The following PRIM2 variants were observed in gnomAD, a reference collection of about 807,000 sequenced individuals.
The protein encoded by PRIM2 is DNA primase large subunit.
PRIM2 carries 39 observed loss-of-function variants against 67.3 expected under a neutral mutation model. The ratio of observed to expected loss-of-function variants is 0.58; its 90% CI spans 0.45 to 0.76. PRIM2 has a LOEUF of 0.76. PRIM2 is among the 30% of genes least tolerant of loss of function. PRIM2 has a pLI of 0.00. For synonymous variants in PRIM2, 143 were observed against 198.7 expected (o/e 0.72, Z 2.36); for missense variants, 398 against 598.7 (o/e 0.66, Z 3.50).
the PRIM2 span, among the ~76,000 whole-genome samples, chr6:57,309,247 G>C: frequency 0.049 from 7,337 of 148,590 alleles, 597 homozygotes; most frequent in African/African-American, 0.17. Flanking sequence ...CCACTAACTC[G>C]TCATCTAGCA....
rs569818116 is a variant in PRIM2, at chr6:57,369,847, A to T, written c.460-10054A>T. Reference sequence around the variant, plus strand: ...AGAAACTGCATTAGTTGCAGTAAACATTTCACTTTATTACTTGAGGAAAAA... The same window carrying T: ...AGAAACTGCATTAGTTGCAGTAAACTTTTCACTTTATTACTTGAGGAAAAA... On this transcript the variant is annotated intron_variant, in intron 5 of 13. Coordinates refer to ENST00000615550, the MANE Select transcript of PRIM2 (RefSeq NM_000947.5). Among the ~76,000 whole-genome samples, 5 of 152,350 alleles carry T rather than the reference A, an allele frequency of 3.3e-5. No individual in the cohort carries two copies. The East Asian group carries it at 9.6e-4, about 29-fold the overall frequency.
At chr6:57,585,671 AG>A (rs1402571007) in intron 10 of PRIM2, among the ~76,000 whole-genome samples, 1 of 152,148 alleles carries the variant, frequency 6.6e-6, no homozygotes, top group Non-Finnish European at 1.5e-5. Context: ...TAGTGAGGGT[AG>A]GGGGTTCTCT....
chr6:57,300,705 G>A, the PRIM2 span, among the ~76,000 whole-genome samples: 1 of 152,076 alleles, frequency 6.6e-6, no homozygotes, highest in Admixed American at 6.5e-5. Flanking sequence ...CTCTACTAGC[G>A]TAGTTCTGGT....
intron 5 of PRIM2, among the ~76,000 whole-genome samples, chr6:57,351,788 A>T (rs1768863841): frequency 6.6e-6 from 1 of 152,124 alleles, no homozygotes; most frequent in Non-Finnish European, 1.5e-5. Flanking sequence ...GAAAGTATAT[A>T]ATCACAATAT....
At chr6:57,399,828 A>C (rs1252523770) in intron 7 of PRIM2, among the ~76,000 whole-genome samples, 1 of 152,148 alleles carries the variant, frequency 6.6e-6, no homozygotes, top group Non-Finnish European at 1.5e-5. Context: ...TTTTGGCTGC[A>C]TAAATGTCTT....
At chr6:57,352,475 G>C (rs1187187611) in intron 5 of PRIM2, among the ~76,000 whole-genome samples, 2 of 152,046 alleles carry the variant, frequency 1.3e-5, no homozygotes, top group South Asian at 2.1e-4. Context: ...TCCTGAGCTC[G>C]TGATCCATCT....
chr6:57,313,213 C>A (rs904590075), upstream of PRIM2, among the ~76,000 whole-genome samples: 1 of 152,172 alleles, frequency 6.6e-6, no homozygotes, highest in Non-Finnish European at 1.5e-5. Flanking sequence ...TCCTGGCTAT[C>A]TTTTCTAAAA....
intron 5 of PRIM2, among the ~76,000 whole-genome samples, chr6:57,331,789 C>CT (rs531614943): frequency 9.3e-5 from 14 of 150,584 alleles, no homozygotes; most frequent in East Asian, 3.9e-4. Flanking sequence ...AGAGTCTTCT[C>CT]TTTTTTTTTG....
intron 5 of PRIM2, among the ~76,000 whole-genome samples, chr6:57,374,273 C>CTATTTATTTATTTATTTATTTATT (rs60492288): frequency 1.5e-5 from 2 of 132,084 alleles, no homozygotes; most frequent in African/African-American, 2.9e-5. Context: ...TATAGGAATG[C>CTATTTATTTATTTATTTATTTATT]TATTTATTTA....
chr6:57,294,036 G>A, the PRIM2 span, among the ~76,000 whole-genome samples: 3 of 152,104 alleles, frequency 2.0e-5, no homozygotes, highest in African/African-American at 7.2e-5. Context: ...ATAGTTTAAT[G>A]TCTTATAATT....
intron 7 of PRIM2, among the ~76,000 whole-genome samples, chr6:57,456,359 T>C (rs2127393910): frequency 6.6e-6 from 1 of 152,370 alleles, no homozygotes; most frequent in Non-Finnish European, 1.5e-5. Flanking sequence ...GAAGTTCTCC[T>C]GGATAATATC....
intron 5 of PRIM2, among the ~76,000 whole-genome samples, chr6:57,377,043 ATTTTTTT>A (rs140991831): frequency 2.9e-5 from 4 of 136,650 alleles, no homozygotes; most frequent in African/African-American, 5.4e-5. Flanking sequence ...TGCCCAGCTA[ATTTTTTT>A]TTTTTTTTTT....
the PRIM2 span, among the ~76,000 whole-genome samples, chr6:57,290,128 A>G: frequency 3.2e-5 from 2 of 62,680 alleles, no homozygotes; most frequent in Non-Finnish European, 6.1e-5. Context: ...AAATAGAAAG[A>G]AAAAAAAAAA....
chr6:57,382,145 G>T lies in PRIM2; in HGVS notation c.670G>T (p.Ala224Ser), dbSNP rs1165837485. The T allele has an allele frequency of 8.7e-6, 14 of 1,613,042 alleles. No individual in the cohort carries two copies. Among genetic ancestry groups the T allele is most frequent in the Non-Finnish European group, 5.9e-6 (7 of 1,179,438 alleles). ...GGCAATCATCCTGAATGAATTTAGAGCCAAACTGTCCAAGGCTTTGGCAGT... is the reference window on the plus strand; with the variant it reads ...GGCAATCATCCTGAATGAATTTAGATCCAAACTGTCCAAGGCTTTGGCAGT... ...IVAIILNEFR[A>S]KLSKALALTA... is the part of the protein sequence containing the mutation. Residue 224 changes from alanine (A) to serine (S), a missense_variant, in exon 7 of 14, where the codon GCC (alanine) becomes TCC (serine). By Grantham distance (99) the Ala-to-Ser change is moderately conservative (BLOSUM62 1). Around this residue, in one of 4 missense-constraint regions of PRIM2, gnomAD observed 229 missense variants for 383.6 expected, o/e 0.60. Coordinates refer to ENST00000615550, the MANE Select transcript of PRIM2 (RefSeq NM_000947.5).
intron 12 of PRIM2, among the ~76,000 whole-genome samples, chr6:57,620,497 T>C: frequency 6.6e-6 from 1 of 152,206 alleles, no homozygotes; most frequent in East Asian, 1.9e-4. Context: ...AACAGTCGTT[T>C]TCAGACAAAC....
intron 7 of PRIM2, among the ~76,000 whole-genome samples, chr6:57,442,529 AT>A (rs67208748): frequency 6.6e-6 from 1 of 151,706 alleles, no homozygotes; most frequent in Admixed American, 6.6e-5. Flanking sequence ...GTCAGGAAGC[AT>A]TTTTTTTCTC....
chr6:57,607,814 G>A (rs1387962755), intron 12 of PRIM2, among the ~76,000 whole-genome samples: 195 of 152,174 alleles, frequency 1.3e-3, no homozygotes, highest in African/African-American at 4.5e-3. Flanking sequence ...GCATTTAAAT[G>A]GTATTAATGT....
intron 10 of PRIM2, among the ~76,000 whole-genome samples, chr6:57,548,988 G>A (rs1775346906): frequency 2.0e-5 from 3 of 151,922 alleles, no homozygotes; most frequent in African/African-American, 7.3e-5. Context: ...CATATGCTAG[G>A]CTCTATAACT....
intron 7 of PRIM2, among the ~76,000 whole-genome samples, chr6:57,402,828 G>T (rs1019325529): frequency 6.6e-6 from 1 of 152,126 alleles, no homozygotes; most frequent in Non-Finnish European, 1.5e-5. Flanking sequence ...TAAAATGGGG[G>T]TTTTAAAAAG....
Sources: allele counts gnomAD v4.1 joint callset (sites outside exome capture counted in the v4.1 genomes callset), GRCh38; gene constraint gnomAD v4.1.1; regional missense constraint gnomAD v4.1.1; transcripts MANE v1.5; gene names NCBI Gene and HGNC (gene_info 2026-07-23, HGNC 2026-07-21).